The following DDX24 variants were observed in gnomAD, a reference collection of about 807,000 sequenced individuals.
The protein encoded by DDX24 is ATP-dependent RNA helicase DDX24.
Under a neutral mutation model 68.9 loss-of-function variants are expected in DDX24, and 24 were observed. The ratio of observed to expected loss-of-function variants is 0.35; its 90% CI spans 0.25 to 0.49. DDX24 has a LOEUF of 0.49. DDX24 is among the 20% of genes least tolerant of loss of function. The pLI, the probability that DDX24 is intolerant of heterozygous loss-of-function variation, is 0.99. For missense variants in DDX24, 989 were observed against 1,039.0 expected, an observed-to-expected ratio of 0.95 and a Z score of 0.66; for synonymous variants, 395 against 385.2, an observed-to-expected ratio of 1.03 and a Z score of -0.30.
intron 2 of DDX24, among the ~76,000 whole-genome samples, chr14:94,065,800 G>C (rs1885692965): frequency 7.2e-6 from 1 of 139,278 alleles, no homozygotes; most frequent in Non-Finnish European, 1.5e-5. Context: ...TCAAGTTAGA[G>C]AGCTGAGCGA....
chr14:94,076,573 C>T (rs556703945), intron 2 of DDX24, among the ~76,000 whole-genome samples: 2 of 150,310 alleles, frequency 1.3e-5, no homozygotes, highest in East Asian at 2.0e-4. Context: ...CCCAGCTATT[C>T]GGGAAGCTGA....
In DDX24 at chr14:94,051,472, C is replaced by A. The variant is rs368922022; in HGVS notation, c.2309-10G>T. The stretch of plus-strand genomic sequence containing the variant: ...TGGTCAGCTTTTCCTCCTTGAAACA[C>A]AATACAAAAACGATCCTATTTACTA... On this transcript the variant is annotated splice_polypyrimidine_tract_variant and intron_variant, in intron 8 of 8. Transcript: ENST00000621632. 1.3e-6 allele frequency: 2 copies of A among 1,529,178 alleles called. No individual in the cohort carries two copies. The highest frequency in any genetic ancestry group is 2.3e-5 in the Admixed American group (1 of 44,358). 94.7% of individuals were successfully genotyped at this position (1,529,178 alleles called of 1,614,324 possible).
At chr14:94,074,920 C>A (rs1031712946) in intron 2 of DDX24, among the ~76,000 whole-genome samples, 1 of 151,988 alleles carries the variant, frequency 6.6e-6, no homozygotes, top group African/African-American at 2.4e-5. Flanking sequence ...ACAATAGAAT[C>A]AAAAATATAA....
chr14:94,050,987 A>G lies in DDX24; in HGVS notation c.*204T>C, dbSNP rs1181795735. 3 of 474,808 alleles carry G rather than the reference A, an allele frequency of 6.3e-6. No homozygotes were observed. The highest frequency in any genetic ancestry group is 4.0e-5 in the African/African-American group (2 of 50,106). The allele number at this position is 474,808 out of a possible 1,614,324, so 29.4% of individuals were successfully genotyped here. A position where few individuals can be genotyped will look rare whatever the true frequency, so the allele number is the denominator to read the frequency against. ...ACAAGAAGCCTATAAACACTGCAATACAGAAAAATTAAGCTGCTGCATTGA... is the reference window on the plus strand; with the variant it reads ...ACAAGAAGCCTATAAACACTGCAATGCAGAAAAATTAAGCTGCTGCATTGA... On this transcript the variant is annotated 3_prime_UTR_variant, in exon 9 of 9. Coordinates refer to ENST00000621632, the MANE Select transcript of DDX24 (RefSeq NM_020414.4).
At chr14:94,053,207 T>C in intron 7 of DDX24, 80 bp from the exon 8 acceptor site, 10 of 1,596,036 alleles carry the variant, frequency 6.3e-6, no homozygotes, top group Non-Finnish European at 8.5e-6. Context: ...GAGTTGTGTT[T>C]GTGTGTTTAA....
chr14:94,079,155 G>C lies in DDX24; in HGVS notation c.588C>G (p.Asp196Glu). The C allele has an allele frequency of 6.2e-7, 1 of 1,614,186 alleles. No homozygotes were observed. Among genetic ancestry groups the C allele is most frequent in the Non-Finnish European group, 8.5e-7 (1 of 1,180,034 alleles). Residue 196 changes from aspartate to glutamate, a missense_variant, in exon 2 of 9, where the codon GAC becomes GAG. Asp to Glu is a conservative substitution (Grantham distance 45). Coordinates refer to ENST00000621632, the MANE Select transcript of DDX24 (RefSeq NM_020414.4). Reference protein sequence around the residue: ...DQKADVSAWKDLFVPRPVLRA... With the variant: ...DQKADVSAWKELFVPRPVLRA... ...GGAGAACCGGCCTGGGAACAAACAGGTCCTTCCAAGCTGACACATCTGCTT... is the reference window on the plus strand; with the variant it reads ...GGAGAACCGGCCTGGGAACAAACAGCTCCTTCCAAGCTGACACATCTGCTT...
chr14:94,061,354 G>A (rs973214088), intron 3 of DDX24, among the ~76,000 whole-genome samples: 2 of 152,146 alleles, frequency 1.3e-5, no homozygotes, highest in Non-Finnish European at 2.9e-5. Flanking sequence ...TACCTCCAAA[G>A]CTCTGGGAAA....
At chr14:94,063,894 T>C (rs8022967) in intron 2 of DDX24, among the ~76,000 whole-genome samples, 82,185 of 152,164 alleles carry the variant, frequency 0.54, 24,452 homozygotes, top group African/African-American at 0.81. Context: ...CAGAGGGAGA[T>C]ACTGTCTCTA....
Position 94,060,576 on chromosome 14 carries a change from T to C in DDX24, c.1435A>G (p.Lys479Glu). 1 of 1,614,024 alleles carries C rather than the reference T, an allele frequency of 6.2e-7. No individual in the cohort carries two copies. Among genetic ancestry groups the C allele is most frequent in the Non-Finnish European group, 8.5e-7 (1 of 1,179,914 alleles). ...VVDEADRMVE[K>E]GHFAELSQLL... is the part of the protein sequence containing the mutation. ...TGTGAGAGCTCAGCAAAATGGCCTT[T>C]CTCAACCATCCGGTCAGCCTCATCC... Residue 479 changes from lysine (K) to glutamate (E), a missense_variant, in exon 5 of 9, where the codon AAA (lysine) becomes GAA (glutamate). Lys to Glu is a moderately conservative substitution (Grantham distance 56, BLOSUM62 1). Coordinates refer to ENST00000621632, the MANE Select transcript of DDX24 (RefSeq NM_020414.4).
intron 2 of DDX24, among the ~76,000 whole-genome samples, chr14:94,064,094 A>C (rs184323524): frequency 1.5e-3 from 221 of 152,370 alleles, no homozygotes; most frequent in African/African-American, 4.9e-3. Context: ...GCGAAGTAGT[A>C]AATTACTTGA....
chr14:94,080,826 C>A (rs1047874039), intron 1 of DDX24, among the ~76,000 whole-genome samples: 3 of 152,232 alleles, frequency 2.0e-5, no homozygotes, highest in African/African-American at 7.2e-5. Flanking sequence ...GCCTCTGTCT[C>A]CTCGTGACGC....
At chr14:94,068,151 G>A (rs1208276967) in intron 2 of DDX24, among the ~76,000 whole-genome samples, 2 of 152,250 alleles carry the variant, frequency 1.3e-5, no homozygotes, top group Admixed American at 6.5e-5. Flanking sequence ...TAAACTTAAA[G>A]TAAAGGGGTG....
In DDX24 at chr14:94,062,372, C is replaced by T. The variant is rs1397048110; in HGVS notation, c.968G>A (p.Gly323Asp). 6.2e-7 allele frequency: 1 copy of T among 1,614,230 alleles called. No individual in the cohort carries two copies. Among genetic ancestry groups the T allele is most frequent in the South Asian group, 1.1e-5 (1 of 91,076 alleles). Residue 323 changes from glycine (G) to aspartate (D), a missense_variant, in exon 3 of 9, where the codon GGC becomes GAC. Coordinates refer to ENST00000621632, the MANE Select transcript of DDX24 (RefSeq NM_020414.4). The part of the protein sequence containing the change: ...IAAEARAKTG[G>D]TVSDQALLFG... ...GAGCAACGCCTGGTCTGAGACAGTG[C>T]CTCCAGTCTTGGCTCTGGCCTCGGC...
At chr14:94,057,405 T>C (rs1026842168) in intron 6 of DDX24, 1 of 162,662 alleles carries the variant, frequency 6.1e-6, no homozygotes, top group Non-Finnish European at 1.3e-5. Context: ...CACTGCCATT[T>C]AATACATGAG....
intron 4 of DDX24, 62 bp downstream of exon 4, chr14:94,060,851 T>C: frequency 6.3e-7 from 1 of 1,593,772 alleles, no homozygotes. Flanking sequence ...GCCCACACCA[T>C]GTCACCTAAG....
chr14:94,057,888 G>A lies in DDX24; in HGVS notation c.1923C>T (p.Leu641=), dbSNP rs769600822. ...EQFARLEDCV[L]LATDVAARGL... ...CCCGAGCTGCCACATCTGTTGCCAAGAGAACACAGCTGGGGTAGAGAGAGA... is the reference window on the plus strand; with the variant it reads ...CCCGAGCTGCCACATCTGTTGCCAAAAGAACACAGCTGGGGTAGAGAGAGA... Residue 641 remains leucine, a synonymous_variant, in exon 6 of 9, where the codon CTC becomes CTT. Coordinates refer to ENST00000621632, the MANE Select transcript of DDX24 (RefSeq NM_020414.4). The A allele has an allele frequency of 6.2e-7, 1 of 1,614,004 alleles. No homozygotes were observed. Among genetic ancestry groups the A allele is most frequent in the Non-Finnish European group, 8.5e-7 (1 of 1,179,930 alleles).
At position 94,061,037 on chromosome 14, in the gene DDX24, T is replaced by C. The variant is rs1470473141; in HGVS notation, c.1273A>G (p.Met425Val). 4 of 1,614,206 alleles carry C rather than the reference T, an allele frequency of 2.5e-6. No individual in the cohort carries two copies. Among genetic ancestry groups the C allele is most frequent in the Middle Eastern group, 1.6e-4 (1 of 6,062 alleles). Residue 425 changes from methionine (M) to valine (V), a missense_variant, in exon 4 of 9, where the codon ATG (methionine) becomes GTG (valine). Around this residue, in one of 3 missense-constraint regions of DDX24, gnomAD observed 691 missense variants for 760.0 expected, o/e 0.91. Transcript: ENST00000621632. ...ATCCTCTGCTGTTTCTGCGTGGACA[T>C]TCCACCAACCAAAATAGCAGTTTTA... ...GIKTAILVGG[M>V]STQKQQRMLN...
chr14:94,062,757 TAC>T, intron 2 of DDX24, 136 bp from the exon 3 acceptor site: 2 of 1,062,664 alleles, frequency 1.9e-6, no homozygotes, highest in Non-Finnish European at 2.6e-6. Flanking sequence ...TCCTCCACTC[TAC>T]ACAGATTTCC....
chr14:94,078,020 C>T lies in DDX24; in HGVS notation c.718+1005G>A, dbSNP rs557485375. ...TCTGCATCTGTGGATCGACAATATTCGGGGGGGTAAAAAAAAAAAAACTGT... is the reference window on the plus strand; with the variant it reads ...TCTGCATCTGTGGATCGACAATATTTGGGGGGGTAAAAAAAAAAAAACTGT... On this transcript the variant is annotated intron_variant, in intron 2 of 8. Coordinates refer to ENST00000621632, the MANE Select transcript of DDX24 (RefSeq NM_020414.4). Among the ~76,000 whole-genome samples the T allele has an allele frequency of 1.5e-4, 22 of 148,950 alleles. No individual in the cohort carries two copies. In the South Asian group the frequency reaches 4.4e-3, roughly 30 times the overall value.
Sources: allele counts gnomAD v4.1 joint callset (sites outside exome capture counted in the v4.1 genomes callset), GRCh38; gene constraint gnomAD v4.1.1; regional missense constraint gnomAD v4.1.1; transcripts MANE v1.5; gene names NCBI Gene and HGNC (gene_info 2026-07-23, HGNC 2026-07-21).